Variants in TMEM229B observed in about 807,000 individuals in gnomAD.
The protein encoded by TMEM229B is chromosome 14 open reading frame 83.
TMEM229B carries 6 observed loss-of-function variants against 13.7 expected under a neutral mutation model. That is an observed-to-expected ratio of 0.44 (90% CI 0.24 to 0.86). TMEM229B has a LOEUF of 0.86. TMEM229B is among the 40% of genes least tolerant of loss of function. The pLI, the probability that TMEM229B is intolerant of heterozygous loss-of-function variation, is 0.23. For synonymous variants in TMEM229B, 107 were observed against 102.1 expected (o/e 1.05, Z -0.29); for missense variants, 170 against 236.0 (o/e 0.72, Z 1.83).
chr14:67,493,571 T>C (rs2032251912), upstream of TMEM229B, among the ~76,000 whole-genome samples: 1 of 152,218 alleles, frequency 6.6e-6, no homozygotes, highest in African/African-American at 2.4e-5. Flanking sequence ...GGTTTCACTT[T>C]GCGACACCAA....
Position 67,472,953 on chromosome 14 carries a change from G to A in TMEM229B, c.*467C>T, listed in dbSNP as rs2030862114. 5.8e-6 allele frequency: 1 copy of A among 173,144 alleles called. No individual in the cohort carries two copies. The highest frequency in any genetic ancestry group is 5.5e-5 in the Admixed American group (1 of 18,262). 10.7% of individuals were successfully genotyped at this position (173,144 alleles called of 1,614,324 possible). A position where few individuals can be genotyped will look rare whatever the true frequency, so the allele number is the denominator to read the frequency against. ...GTCTCTCCTCGGCTGCAGCTCAGCA[G>A]GCCCCTGGGGAGGTATTGGTTGCAA... is the stretch of plus-strand genomic sequence containing the variant. On this transcript the variant is annotated 3_prime_UTR_variant, in exon 3 of 3. Transcript: ENST00000554480.
intron 1 of TMEM229B, among the ~76,000 whole-genome samples, chr14:67,504,026 A>G (rs761213328): frequency 1.4e-5 from 2 of 147,282 alleles, no homozygotes; most frequent in African/African-American, 5.1e-5. Flanking sequence ...TATTTTTATT[A>G]TTTTTGAGAC....
intron 1 of TMEM229B, among the ~76,000 whole-genome samples, chr14:67,504,832 G>A (rs1453833411): frequency 1.3e-5 from 2 of 152,142 alleles, no homozygotes; most frequent in African/African-American, 2.4e-5. Context: ...TTGCAGGTGA[G>A]CTGAGATCTC....
chr14:67,516,402 G>T (rs983803476), upstream of TMEM229B, among the ~76,000 whole-genome samples: 1 of 152,156 alleles, frequency 6.6e-6, no homozygotes, highest in Non-Finnish European at 1.5e-5. Flanking sequence ...CTGGAGAGGG[G>T]GGGAAATGAG....
upstream of TMEM229B, among the ~76,000 whole-genome samples, chr14:67,489,603 G>A (rs889980280): frequency 6.6e-5 from 10 of 152,110 alleles, no homozygotes; most frequent in Admixed American, 2.0e-4. Context: ...ACTCCTTTGC[G>A]ATGCCGTCCC....
At chr14:67,526,992 A>C (rs1248307320) in intron 1 of TMEM229B, among the ~76,000 whole-genome samples, 1 of 152,218 alleles carries the variant, frequency 6.6e-6, no homozygotes, top group African/African-American at 2.4e-5. Flanking sequence ...AGGCCAAGCC[A>C]CTAGGGGCAG....
chr14:67,514,975 T>G (rs910574493), intron 1 of TMEM229B: 2 of 123,442 alleles, frequency 1.6e-5, no homozygotes, highest in Non-Finnish European at 3.8e-5. Flanking sequence ...CGCCCAGTCT[T>G]CCCCTCACCG....
At chr14:67,509,290 T>C (rs2032945672) in intron 1 of TMEM229B, among the ~76,000 whole-genome samples, 4 of 151,640 alleles carry the variant, frequency 2.6e-5, no homozygotes, top group African/African-American at 9.7e-5. Context: ...CTGTCTCCTT[T>C]TAACTAGTTG....
rs375220678 is a variant in TMEM229B, at chr14:67,531,548, T to C, written c.-192+2088A>G. ...TGCCCTCTACAGAAGTAACCAGCTA[T>C]AGGGGAGAGCATGCTCCTCCCATTC... is the stretch of plus-strand genomic sequence containing the variant. On this transcript the variant is annotated intron_variant, in intron 1 of 2. Transcript: ENST00000554278. Among the ~76,000 whole-genome samples, 13 of 151,954 alleles carry C rather than the reference T, an allele frequency of 8.6e-5. No individual in the cohort carries two copies. In the East Asian group the frequency reaches 2.5e-3, roughly 30 times the overall value.
chr14:67,479,281 C>A (rs1426408902), intron 2 of TMEM229B, among the ~76,000 whole-genome samples: 3 of 151,626 alleles, frequency 2.0e-5, no homozygotes, highest in African/African-American at 7.3e-5. Context: ...TGGCGTGTGC[C>A]TGTAATCCCA....
intron 1 of TMEM229B, among the ~76,000 whole-genome samples, chr14:67,513,261 T>C (rs1383715824): frequency 6.6e-6 from 1 of 152,140 alleles, no homozygotes; most frequent in African/African-American, 2.4e-5. Flanking sequence ...GACAAACCAA[T>C]AAAGCCGCTC....
chr14:67,475,856 C>T (rs2031159819), intron 2 of TMEM229B, among the ~76,000 whole-genome samples: 1 of 152,234 alleles, frequency 6.6e-6, no homozygotes, highest in Non-Finnish European at 1.5e-5. Context: ...TCAGGTGCCA[C>T]CCCAATGGCT....
rs1012688504 is a variant in TMEM229B, at chr14:67,471,578, G to T, written c.*1842C>A. On this transcript the variant is annotated 3_prime_UTR_variant, in exon 3 of 3. Transcript: ENST00000554480. ...GGGGCCACAATAAAATCAAAAGGAG[G>T]GCTGGCCACTGCAGAAAGTAGTTCA... The T allele has an allele frequency of 2.0e-5, 3 of 152,082 alleles. No homozygotes were observed. The highest frequency in any genetic ancestry group is 4.8e-5 in the African/African-American group (2 of 41,390). The allele number at this position is 152,082 out of a possible 1,614,324, so 9.4% of individuals were successfully genotyped here.
At chr14:67,501,069 TA>T (rs1247364887) in intron 1 of TMEM229B, among the ~76,000 whole-genome samples, 1 of 147,786 alleles carries the variant, frequency 6.8e-6, no homozygotes, top group African/African-American at 2.5e-5. Context: ...ATAATAATAA[TA>T]ATAATAATAA....
At chr14:67,530,404 T>C (rs1169299899) in intron 1 of TMEM229B, among the ~76,000 whole-genome samples, 1 of 152,156 alleles carries the variant, frequency 6.6e-6, no homozygotes, top group Non-Finnish European at 1.5e-5. Context: ...AAGTTCCCCT[T>C]TCCCTCCCAT....
chr14:67,501,389 G>C (rs973454390), intron 1 of TMEM229B, among the ~76,000 whole-genome samples: 22 of 152,188 alleles, frequency 1.4e-4, no homozygotes, highest in African/African-American at 5.1e-4. Flanking sequence ...TTTTGAGACA[G>C]GATCTTGCTC....
chr14:67,504,855 C>T (rs2032760181), intron 1 of TMEM229B, among the ~76,000 whole-genome samples: 2 of 152,048 alleles, frequency 1.3e-5, no homozygotes, highest in South Asian at 4.2e-4. Flanking sequence ...CATTGCACTC[C>T]AATCAGGGCA....
At chr14:67,492,493 T>A (rs2032208642), upstream of TMEM229B, among the ~76,000 whole-genome samples, 1 of 152,194 alleles carries the variant, frequency 6.6e-6, no homozygotes, top group African/African-American at 2.4e-5. Flanking sequence ...GACCAGGATT[T>A]TATCTGGGTT....
chr14:67,521,491 T>C (rs917810713), intron 1 of TMEM229B, among the ~76,000 whole-genome samples: 3 of 152,208 alleles, frequency 2.0e-5, no homozygotes, highest in Non-Finnish European at 4.4e-5. Context: ...GTAGGTACTT[T>C]CATAGAAGTC....
Sources: gnomAD v4.1 joint callset for allele counts (sites outside exome capture counted in the v4.1 genomes callset) on GRCh38, gnomAD v4.1.1 for gene constraint, MANE v1.5 for transcripts, NCBI Gene and HGNC (gene_info 2026-07-23, HGNC 2026-07-21) for gene names.